Variants in CAMTA1 observed in about 807,000 individuals in gnomAD.
CAMTA1 encodes the protein calmodulin binding transcription activator 1.
CAMTA1 carries 27 observed loss-of-function variants against 170.9 expected under a neutral mutation model. That is an observed-to-expected ratio of 0.16 (90% CI 0.12 to 0.22). The LOEUF is 0.22. Ranked by LOEUF, CAMTA1 falls within the 10% of genes least tolerant of loss-of-function variation. CAMTA1 has a pLI of 1.00. For synonymous variants in CAMTA1, 833 were observed against 891.5 expected (o/e 0.93, Z 1.17); for missense variants, 1,619 against 2,217.2 (o/e 0.73, Z 5.42).
chr1:7,728,807 G>A (rs150239121), intron 11 of CAMTA1, among the ~76,000 whole-genome samples: 32 of 152,306 alleles, frequency 2.1e-4, no homozygotes, highest in African/African-American at 7.5e-4. Context: ...CTAACAAAGA[G>A]GCATGGCATC....
chr1:7,737,181 G>A, intron 14 of CAMTA1, 74 bp from the exon 15 acceptor site: 1 of 1,482,362 alleles, frequency 6.7e-7, no homozygotes, highest in Non-Finnish European at 9.3e-7. Context: ...TTTGTCAGTT[G>A]GCAGCAATGG....
chr1:7,737,918 G>T, intron 15 of CAMTA1, 41 bp from the exon 16 acceptor site: 1 of 1,538,340 alleles, frequency 6.5e-7, no homozygotes, highest in Non-Finnish European at 8.8e-7. Context: ...ATTCCTAGTT[G>T]TATCTCCTGT....
At chr1:7,138,562 C>T (rs1167348126) in intron 4 of CAMTA1, among the ~76,000 whole-genome samples, 1 of 152,202 alleles carries the variant, frequency 6.6e-6, no homozygotes, top group East Asian at 1.9e-4. Context: ...TCCCATCCCG[C>T]CTCCCACAGG....
At position 6,785,496 on chromosome 1, in the gene CAMTA1, G is replaced by C; in HGVS notation, c.-35G>C. On this transcript the variant is annotated 5_prime_UTR_variant, in exon 1 of 23. Transcript: ENST00000303635. ...GCCGGCGGCGGCGGCGGTACGAGGC[G>C]CGCGCTCGGGGTCCCGGTCGCGAGG... The C allele has an allele frequency of 9.8e-7, 1 of 1,025,146 alleles. No homozygotes were observed. The highest frequency in any genetic ancestry group is 1.2e-6 in the Non-Finnish European group (1 of 850,314). The allele number at this position is 1,025,146 out of a possible 1,614,324, so 63.5% of individuals were successfully genotyped here. A position where few individuals can be genotyped will look rare whatever the true frequency, so the allele number is the denominator to read the frequency against.
chr1:7,638,979 C>T (rs1409726012), intron 6 of CAMTA1, among the ~76,000 whole-genome samples: 1 of 152,012 alleles, frequency 6.6e-6, no homozygotes, highest in Non-Finnish European at 1.5e-5. Context: ...TTGAGACAAA[C>T]TGGGCCTTTT....
In CAMTA1 at chr1:7,729,124, C is replaced by CTT. The variant is rs1199701791; in HGVS notation, c.2915-3315_2915-3314dup. Among the ~76,000 whole-genome samples the CTT allele has an allele frequency of 2.1e-4, 25 of 120,292 alleles. 1 individual carries two copies. Among genetic ancestry groups the CTT allele is most frequent in the African/African-American group, 7.0e-4 (24 of 34,060 alleles). The allele number at this position is 120,292 out of a possible 152,430, so 78.9% of individuals were successfully genotyped here. ...ATTAATATGAGGAATCTTTTTTTTTCTTTTTTTTTTGAGACAGAGTCTCAC... is the reference window on the plus strand; with the variant it reads ...ATTAATATGAGGAATCTTTTTTTTTCTTTTTTTTTTTTGAGACAGAGTCTCAC... On this transcript the variant is annotated intron_variant, in intron 11 of 22. Coordinates refer to ENST00000303635, the MANE Select transcript of CAMTA1 (RefSeq NM_015215.4).
At chr1:7,072,296 T>A (rs967066207) in intron 3 of CAMTA1, among the ~76,000 whole-genome samples, 4 of 152,208 alleles carry the variant, frequency 2.6e-5, no homozygotes, top group Non-Finnish European at 5.9e-5. Context: ...TCAGGCAACA[T>A]GTCTGGGCAG....
intron 5 of CAMTA1, among the ~76,000 whole-genome samples, chr1:7,306,805 T>C (rs1413946024): frequency 6.6e-6 from 1 of 151,856 alleles, no homozygotes; most frequent in African/African-American, 2.4e-5. Flanking sequence ...AGATTCTACG[T>C]TGGTGGATTG....
chr1:7,168,317 A>G (rs1379844644), intron 4 of CAMTA1, among the ~76,000 whole-genome samples: 1 of 152,084 alleles, frequency 6.6e-6, no homozygotes, highest in Non-Finnish European at 1.5e-5. Flanking sequence ...ACCCTTAGAG[A>G]TTTTATTTCT....
chr1:7,282,223 G>A (rs1480443739), intron 5 of CAMTA1, among the ~76,000 whole-genome samples: 1 of 152,114 alleles, frequency 6.6e-6, no homozygotes, highest in Non-Finnish European at 1.5e-5. Flanking sequence ...CGCTTGCCCA[G>A]GGATCCTGCA....
intron 4 of CAMTA1, among the ~76,000 whole-genome samples, chr1:7,233,860 C>T (rs1158685627): frequency 6.6e-6 from 1 of 152,180 alleles, no homozygotes; most frequent in African/African-American, 2.4e-5. Flanking sequence ...CCTACTATCA[C>T]TTTTTCAAGG....
chr1:6,863,772 A>G (rs74787195), intron 3 of CAMTA1, among the ~76,000 whole-genome samples: 1 of 152,196 alleles, frequency 6.6e-6, no homozygotes, highest in Non-Finnish European at 1.5e-5. Context: ...CAGTACCAAC[A>G]CATTATTTAC....
intron 6 of CAMTA1, among the ~76,000 whole-genome samples, chr1:7,493,340 C>G (rs1463171102): frequency 6.7e-6 from 1 of 149,016 alleles, no homozygotes; most frequent in Non-Finnish European, 1.5e-5. Flanking sequence ...CACACACATG[C>G]ACACACAAAC....
In CAMTA1 at chr1:7,642,996, C is replaced by T. The variant is rs2095776820; in HGVS notation, c.664+2443C>T. Among the ~76,000 whole-genome samples, 2 of 149,922 alleles carry T rather than the reference C, an allele frequency of 1.3e-5. No individual in the cohort carries two copies. The highest frequency in any genetic ancestry group is 5.1e-5 in the African/African-American group (2 of 39,376). On this transcript the variant is annotated intron_variant, in intron 7 of 22. Coordinates refer to ENST00000303635, the MANE Select transcript of CAMTA1 (RefSeq NM_015215.4). This position sits in a 1 kb window ranked among gnomAD's most constrained non-coding sequence, Gnocchi z 6.3. Reference sequence around the variant, plus strand: ...CATGGCTGAGTGCACTCCAGGCCTGCAGGAAGTAGCCTGGAACCTCCTTTC... The same window carrying T: ...CATGGCTGAGTGCACTCCAGGCCTGTAGGAAGTAGCCTGGAACCTCCTTTC...
At chr1:7,169,996 G>A (rs115818290) in intron 4 of CAMTA1, among the ~76,000 whole-genome samples, 1 of 152,064 alleles carries the variant, frequency 6.6e-6, no homozygotes, top group Middle Eastern at 3.2e-3. Context: ...TTTGCTGTTT[G>A]TATCTATTTT....
chr1:7,713,822 A>G (rs925780048), intron 11 of CAMTA1, among the ~76,000 whole-genome samples: 2 of 152,208 alleles, frequency 1.3e-5, no homozygotes, highest in Non-Finnish European at 2.9e-5. Context: ...CCCTGAACAG[A>G]AAGCGCAAGA....
chr1:7,429,310 C>T (rs556028247), intron 5 of CAMTA1, among the ~76,000 whole-genome samples: 1 of 152,240 alleles, frequency 6.6e-6, no homozygotes, highest in South Asian at 2.1e-4. Flanking sequence ...TTTAAGTGTT[C>T]AACACATGGA....
chr1:7,236,441 G>A (rs1663877715), intron 4 of CAMTA1, among the ~76,000 whole-genome samples: 1 of 152,220 alleles, frequency 6.6e-6, no homozygotes, highest in Non-Finnish European at 1.5e-5. Flanking sequence ...GCTCCCCAAA[G>A]TACTATGAGT....
intron 1 of CAMTA1, among the ~76,000 whole-genome samples, chr1:6,810,667 T>A (rs1645056287): frequency 6.6e-6 from 1 of 152,032 alleles, no homozygotes; most frequent in Non-Finnish European, 1.5e-5. Context: ...TAGCCGGGCG[T>A]GGTGGCGGAC....
Sources: allele counts gnomAD v4.1 joint callset (sites outside exome capture counted in the v4.1 genomes callset), GRCh38; gene constraint gnomAD v4.1.1; non-coding constraint Gnocchi (gnomAD v3.1); transcripts MANE v1.5; gene names NCBI Gene and HGNC (gene_info 2026-07-23, HGNC 2026-07-21).